Variants in MGAT4C observed in about 807,000 individuals in gnomAD.
MGAT4C encodes alpha-1,3-mannosyl-glycoprotein 4-beta-N-acetylglucosaminyltransferase C.
A neutral mutation model predicts 40.1 loss-of-function variants in MGAT4C; 19 were observed. That is an observed-to-expected ratio of 0.47 (90% CI 0.33 to 0.70). MGAT4C has a LOEUF of 0.70. Ranked by LOEUF, MGAT4C falls within the 30% of genes least tolerant of loss-of-function variation. The pLI, the probability that MGAT4C is intolerant of heterozygous loss-of-function variation, is 0.02. For synonymous variants in MGAT4C, 181 were observed against 187.1 expected (o/e 0.97, Z 0.27); for missense variants, 491 against 563.2 (o/e 0.87, Z 1.30).
intron 3 of MGAT4C, among the ~76,000 whole-genome samples, chr12:86,425,052 G>A (rs897717259): frequency 3.3e-5 from 5 of 152,134 alleles, no homozygotes; most frequent in Admixed American, 6.5e-5. Context: ...CACTGTGCCC[G>A]GCCCTACATT....
rs1176785957 is a variant in MGAT4C at position 86,308,835 on chromosome 12, T to C, written c.-57+25230A>G. ...TTCACTTGATGTTTACAAAAATTTT[T>C]GATGTCAGATTGTGATCTCTGTTCT... On this transcript the variant is annotated intron_variant, in intron 4 of 7. Transcript: ENST00000548651. Among the ~76,000 whole-genome samples the C allele has an allele frequency of 1.3e-5, 2 of 150,548 alleles. 1 individual carries two copies. Among genetic ancestry groups the C allele is most frequent in the African/African-American group, 5.0e-5 (2 of 39,972 alleles).
rs369132468 is a variant in MGAT4C at position 86,729,526 on chromosome 12, T to A, written c.-261-2285A>T. ...ATTTTCCTAGGTTGATGCTAAGAACTGCTATAAGTTATTTTCCAAAATTGA... is the reference window on the plus strand; with the variant it reads ...ATTTTCCTAGGTTGATGCTAAGAACAGCTATAAGTTATTTTCCAAAATTGA... On this transcript the variant is annotated intron_variant, in intron 1 of 7. Coordinates refer to the MGAT4C transcript ENST00000548651. Among the ~76,000 whole-genome samples, 17 of 152,194 alleles carry A rather than the reference T, an allele frequency of 1.1e-4. No homozygotes were observed. The East Asian group carries it at 3.1e-3, about 28-fold the overall frequency.
chr12:86,730,981 A>G (rs2136119884), intron 1 of MGAT4C, among the ~76,000 whole-genome samples: 1 of 152,264 alleles, frequency 6.6e-6, no homozygotes, highest in South Asian at 2.1e-4. Context: ...AACTGGTCAC[A>G]GAGAGACAGT....
At chr12:86,132,411 T>G (rs1184398791) in intron 1 of MGAT4C, among the ~76,000 whole-genome samples, 2 of 152,082 alleles carry the variant, frequency 1.3e-5, no homozygotes, top group Admixed American at 1.3e-4. Context: ...CTTAGAATAA[T>G]TCTTCCTTTC....
chr12:86,418,787 G>A (rs1300221424), intron 3 of MGAT4C, among the ~76,000 whole-genome samples: 1 of 152,008 alleles, frequency 6.6e-6, no homozygotes, highest in Non-Finnish European at 1.5e-5. Flanking sequence ...CATCATGTGT[G>A]TAGAAGGAAG....
At chr12:86,546,366 C>T (rs930069635) in intron 2 of MGAT4C, among the ~76,000 whole-genome samples, 2 of 151,372 alleles carry the variant, frequency 1.3e-5, no homozygotes, top group African/African-American at 4.8e-5. Context: ...ACTAAATAGC[C>T]GTCAACATAG....
intron 2 of MGAT4C, among the ~76,000 whole-genome samples, chr12:86,690,912 C>T (rs985897731): frequency 5.3e-5 from 8 of 152,094 alleles, no homozygotes; most frequent in African/African-American, 1.2e-4. Flanking sequence ...ATATTTTTAA[C>T]CTGTTTGCAT....
chr12:86,507,631 A>G lies in MGAT4C; in HGVS notation c.-228-72366T>C, dbSNP rs111243947. Among the ~76,000 whole-genome samples the G allele has an allele frequency of 3.3e-3, 510 of 152,300 alleles. 1 individual carries two copies. Among genetic ancestry groups the G allele is most frequent in the African/African-American group, 0.012 (493 of 41,586 alleles). On this transcript the variant is annotated intron_variant, in intron 2 of 7. Coordinates refer to the MGAT4C transcript ENST00000548651. ...GGAGCCAAGCCCAGCTGAAGAAAGC[A>G]TTGGTGAGCAAGAAATCAGCTCACT...
intron 1 of MGAT4C, among the ~76,000 whole-genome samples, chr12:86,065,899 T>C (rs896412940): frequency 2.0e-5 from 3 of 152,122 alleles, no homozygotes; most frequent in African/African-American, 7.2e-5. Flanking sequence ...ATTACAAGCA[T>C]TCCTATATAC....
At chr12:86,361,994 G>A (rs1004331745) in intron 3 of MGAT4C, among the ~76,000 whole-genome samples, 6 of 151,430 alleles carry the variant, frequency 4.0e-5, no homozygotes, top group South Asian at 2.1e-4. Context: ...GGGTATATAC[G>A]CAAAGGATTA....
At chr12:86,454,833 G>A (rs4444151) in intron 2 of MGAT4C, among the ~76,000 whole-genome samples, 135,464 of 152,160 alleles carry the variant, frequency 0.89, 60,506 homozygotes, top group East Asian at 1. Flanking sequence ...TATGAAATCT[G>A]TGTAAATTCA....
At chr12:86,490,113 C>T (rs1258781941) in intron 2 of MGAT4C, among the ~76,000 whole-genome samples, 1 of 152,092 alleles carries the variant, frequency 6.6e-6, no homozygotes, top group Non-Finnish European at 1.5e-5. Context: ...CTCCAAAACA[C>T]ATAATTGTCA....
intron 1 of MGAT4C, among the ~76,000 whole-genome samples, chr12:86,819,678 C>T (rs1386379217): frequency 2.0e-5 from 3 of 150,592 alleles, no homozygotes; most frequent in Non-Finnish European, 4.5e-5. Context: ...GTAAACAATA[C>T]CTATATGTAT....
intron 1 of MGAT4C, among the ~76,000 whole-genome samples, chr12:86,741,942 T>C (rs939334000): frequency 3.6e-4 from 55 of 151,632 alleles, no homozygotes; most frequent in Non-Finnish European, 5.5e-4. Flanking sequence ...GTTTTCTGTA[T>C]TGTATTTAAA....
chr12:86,258,769 A>C (rs1952594769), upstream of MGAT4C, among the ~76,000 whole-genome samples: 1 of 152,114 alleles, frequency 6.6e-6, no homozygotes, highest in Non-Finnish European at 1.5e-5. Context: ...CACTTATTAC[A>C]TATGAAAATA....
At chr12:86,110,979 T>C (rs1877283552) in intron 1 of MGAT4C, among the ~76,000 whole-genome samples, 1 of 151,852 alleles carries the variant, frequency 6.6e-6, no homozygotes, top group Non-Finnish European at 1.5e-5. Flanking sequence ...ATATTTTTCA[T>C]GTATATGAAA....
chr12:86,797,954 A>G (rs905668814), intron 1 of MGAT4C, among the ~76,000 whole-genome samples: 2 of 151,964 alleles, frequency 1.3e-5, no homozygotes, highest in African/African-American at 4.8e-5. Context: ...CCTAATCTTT[A>G]TGTTTATAAT....
chr12:86,122,131 T>C (rs1285795561), intron 1 of MGAT4C, among the ~76,000 whole-genome samples: 1 of 152,162 alleles, frequency 6.6e-6, no homozygotes, highest in Non-Finnish European at 1.5e-5. Flanking sequence ...TGTTAACCAT[T>C]AGAAAATTAA....
chr12:86,786,717 T>C (rs950942849), intron 1 of MGAT4C, among the ~76,000 whole-genome samples: 1 of 152,118 alleles, frequency 6.6e-6, no homozygotes, highest in Non-Finnish European at 1.5e-5. Flanking sequence ...GCTCAATTGC[T>C]CTATCTTTGA....
Sources: gnomAD v4.1 joint callset for allele counts (sites outside exome capture counted in the v4.1 genomes callset) on GRCh38, gnomAD v4.1.1 for gene constraint, MANE v1.5 for transcripts, NCBI Gene and HGNC (gene_info 2026-07-23, HGNC 2026-07-21) for gene names.